The following DLGAP4 variants were observed in gnomAD, a reference collection of about 807,000 sequenced individuals.
DLGAP4 encodes the protein disks large-associated protein 4.
A neutral mutation model predicts 86.9 loss-of-function variants in DLGAP4; 18 were observed. That is an observed-to-expected ratio of 0.21 (90% CI 0.14 to 0.31). The LOEUF is 0.31. DLGAP4 is among the 10% of genes least tolerant of loss of function. The pLI is 1.00. For missense variants in DLGAP4, 1,085 were observed against 1,362.6 expected, an observed-to-expected ratio of 0.80 and a Z score of 3.21; for synonymous variants, 548 against 574.3, an observed-to-expected ratio of 0.95 and a Z score of 0.65.
chr20:36,410,495 T>G (rs528075139), intron 2 of DLGAP4, among the ~76,000 whole-genome samples: 1 of 152,304 alleles, frequency 6.6e-6, no homozygotes, highest in South Asian at 2.1e-4. Context: ...GAGTAATGTA[T>G]AAAGAAAAGA....
chr20:36,509,649 CTAAGG>C (rs1430121619), intron 10 of DLGAP4, among the ~76,000 whole-genome samples: 1 of 152,012 alleles, frequency 6.6e-6, no homozygotes, highest in Non-Finnish European at 1.5e-5. Context: ...ACTCAGGAGA[CTAAGG>C]TGAGAGGATT....
At chr20:36,369,160 G>T (rs754901437) in intron 2 of DLGAP4, among the ~76,000 whole-genome samples, 1 of 152,224 alleles carries the variant, frequency 6.6e-6, no homozygotes, top group African/African-American at 2.4e-5. Flanking sequence ...AAGAACAGCC[G>T]AAGCCGGAGC....
chr20:36,318,842 T>G (rs2065137878), intron 1 of DLGAP4, among the ~76,000 whole-genome samples: 1 of 152,176 alleles, frequency 6.6e-6, no homozygotes, highest in Admixed American at 6.5e-5. Context: ...GATTTTGTTT[T>G]TCATTACAAG....
At chr20:36,510,480 G>A (rs942494464) in intron 10 of DLGAP4, among the ~76,000 whole-genome samples, 1 of 151,994 alleles carries the variant, frequency 6.6e-6, no homozygotes, top group African/African-American at 2.4e-5. Flanking sequence ...GGCCAAGCTG[G>A]TCTCAAACTC....
chr20:36,330,860 G>A (rs1446428100), intron 1 of DLGAP4, among the ~76,000 whole-genome samples: 4 of 152,222 alleles, frequency 2.6e-5, no homozygotes, highest in East Asian at 1.9e-4. Flanking sequence ...GGCGTGAGCC[G>A]CCACGCCCGG....
intron 1 of DLGAP4, among the ~76,000 whole-genome samples, chr20:36,326,042 A>C (rs1280797323): frequency 6.6e-6 from 1 of 152,142 alleles, no homozygotes; most frequent in Non-Finnish European, 1.5e-5. Flanking sequence ...TCTGATGTTA[A>C]TGTAGCCCTC....
chr20:36,352,897 TA>T (rs1555893565), intron 1 of DLGAP4, among the ~76,000 whole-genome samples: 2 of 152,034 alleles, frequency 1.3e-5, no homozygotes, highest in Non-Finnish European at 2.9e-5. Flanking sequence ...TATAAAGACA[TA>T]AAGAACGGGA....
intron 12 of DLGAP4, 70 bp from the exon 13 acceptor site, chr20:36,526,743 T>C (rs2037793928): frequency 5.7e-6 from 8 of 1,404,042 alleles, no homozygotes; most frequent in Admixed American, 2.6e-5. Context: ...CGGCATATGG[T>C]GGGGGTAGTG....
Position 36,527,051 on chromosome 20 carries a change from A to C in DLGAP4, c.*20A>C. On this transcript the variant is annotated 3_prime_UTR_variant, in exon 13 of 13. Transcript: ENST00000339266. ...CTCTGAGACCATGCAGGAGGAAAGA[A>C]ACGATTTTAAATCATTAAAAACACA... 1 of 1,566,166 alleles carries C rather than the reference A, an allele frequency of 6.4e-7. No homozygotes were observed. The highest frequency in any genetic ancestry group is 8.6e-7 in the Non-Finnish European group (1 of 1,156,580).
chr20:36,343,528 G>A (rs563541167), intron 1 of DLGAP4, among the ~76,000 whole-genome samples: 9 of 152,184 alleles, frequency 5.9e-5, no homozygotes, highest in Non-Finnish European at 7.4e-5. Context: ...TAGTTCCACC[G>A]CTTTTTAATG....
At chr20:36,374,267 T>A (rs368189479) in intron 2 of DLGAP4, among the ~76,000 whole-genome samples, 27 of 151,958 alleles carry the variant, frequency 1.8e-4, no homozygotes, top group African/African-American at 6.0e-4. Context: ...TTGTCTGGAA[T>A]GTGAGAGGTG....
intron 5 of DLGAP4, among the ~76,000 whole-genome samples, chr20:36,442,258 G>A (rs553759692): frequency 5.3e-5 from 8 of 152,270 alleles, no homozygotes; most frequent in African/African-American, 1.7e-4. Flanking sequence ...GCAATGGCGC[G>A]ATCCCAGCTC....
chr20:36,520,360 C>G (rs371308363), intron 10 of DLGAP4, among the ~76,000 whole-genome samples: 2 of 151,626 alleles, frequency 1.3e-5, no homozygotes, highest in East Asian at 3.9e-4. Context: ...GTCTTTTTTT[C>G]TATGAGACAG....
At chr20:36,410,593 G>C (rs1324268888) in intron 2 of DLGAP4, among the ~76,000 whole-genome samples, 3 of 152,198 alleles carry the variant, frequency 2.0e-5, no homozygotes, top group African/African-American at 7.2e-5. Context: ...TTCCAATCAT[G>C]GCTGAAGGTG....
At chr20:36,524,072 A>G (rs902158114) in intron 10 of DLGAP4, among the ~76,000 whole-genome samples, 178 bp from the exon 11 acceptor site, 2 of 152,138 alleles carry the variant, frequency 1.3e-5, no homozygotes, top group African/African-American at 4.8e-5. Context: ...TTGGCTTTAT[A>G]TTGTTTGTGT....
chr20:36,307,263 A>C (rs1555889576), intron 1 of DLGAP4, among the ~76,000 whole-genome samples: 1 of 152,112 alleles, frequency 6.6e-6, no homozygotes, highest in Non-Finnish European at 1.5e-5. Flanking sequence ...TCGCGTTCAG[A>C]GCTGGTGGCG....
At chr20:36,427,880 T>C (rs1244442777) in intron 2 of DLGAP4, among the ~76,000 whole-genome samples, 2 of 151,890 alleles carry the variant, frequency 1.3e-5, no homozygotes, top group Admixed American at 6.6e-5. Context: ...GAGGCAGAGG[T>C]TGCAGTGAGC....
At chr20:36,356,374 C>G (rs782483949) in intron 1 of DLGAP4, among the ~76,000 whole-genome samples, 1 of 152,178 alleles carries the variant, frequency 6.6e-6, no homozygotes, top group South Asian at 2.1e-4. Context: ...TGCAATGGTG[C>G]GATCTTGGCT....
intron 7 of DLGAP4, among the ~76,000 whole-genome samples, chr20:36,485,198 C>T (rs1005002679): frequency 6.6e-6 from 1 of 151,952 alleles, no homozygotes; most frequent in Non-Finnish European, 1.5e-5. Flanking sequence ...CCAGCTTGGG[C>T]AACAAAGACC....
Sources: allele counts gnomAD v4.1 joint callset (sites outside exome capture counted in the v4.1 genomes callset), GRCh38; gene constraint gnomAD v4.1.1; transcripts MANE v1.5; gene names NCBI Gene and HGNC (gene_info 2026-07-23, HGNC 2026-07-21).